The following KCTD3 variants were observed in gnomAD, a reference collection of about 807,000 sequenced individuals.
KCTD3 encodes the protein BTB/POZ domain-containing protein KCTD3.
Under a neutral mutation model 85.8 loss-of-function variants are expected in KCTD3, and 41 were observed. The observed-to-expected ratio is 0.48, with a 90% CI of 0.37 to 0.62. The LOEUF is 0.62. KCTD3 is among the 20% of genes least tolerant of loss of function. The probability of loss-of-function intolerance (pLI) is 0.00; values close to 1 mark genes in which losing one functional copy is unlikely to be tolerated. For missense variants in KCTD3, 724 were observed against 989.9 expected (o/e 0.73, Z 3.60); for synonymous variants, 338 against 345.4 (o/e 0.98, Z 0.24).
At chr1:215,584,312 TGGTA>T (rs1479370780) in intron 8 of KCTD3, among the ~76,000 whole-genome samples, 1 of 152,252 alleles carries the variant, frequency 6.6e-6, no homozygotes, top group Non-Finnish European at 1.5e-5. Flanking sequence ...AAAGAAATCA[TGGTA>T]GGACTGATTT....
At position 215,617,478 on chromosome 1, in the gene KCTD3, T is replaced by C. The variant is rs76262726; in HGVS notation, c.1563-1408T>C. On this transcript the variant is annotated intron_variant, in intron 15 of 17. Coordinates refer to ENST00000259154, the MANE Select transcript of KCTD3 (RefSeq NM_016121.5). ...TCTGCTGCAGAATCGACTGCTTGCT[T>C]GGTGTTTGGTGAACCCCTCCACCCC... Among the ~76,000 whole-genome samples the C allele has an allele frequency of 5.8e-3, 889 of 152,244 alleles. 7 individuals carry two copies. The highest frequency in any genetic ancestry group is 0.02 in the African/African-American group (846 of 41,532).
chr1:215,603,383 A>G (rs1168751271), intron 12 of KCTD3, among the ~76,000 whole-genome samples: 1 of 152,132 alleles, frequency 6.6e-6, no homozygotes, highest in Non-Finnish European at 1.5e-5. Flanking sequence ...TCTATCCATG[A>G]AGCTTTTAAG....
At chr1:215,582,937 A>T (rs1474300202) in intron 8 of KCTD3, among the ~76,000 whole-genome samples, 1 of 150,438 alleles carries the variant, frequency 6.6e-6, no homozygotes, top group Non-Finnish European at 1.5e-5. Flanking sequence ...GTAATTTTTT[A>T]AAAAACAGGT....
intron 3 of KCTD3, 68 bp downstream of exon 3, chr1:215,574,186 T>A: frequency 1.1e-6 from 1 of 901,924 alleles, no homozygotes; most frequent in African/African-American, 1.6e-5. Flanking sequence ...TAACATATAG[T>A]TACTCTAAGA....
intron 9 of KCTD3, among the ~76,000 whole-genome samples, chr1:215,593,276 T>G (rs1660290343): frequency 6.6e-6 from 1 of 152,194 alleles, no homozygotes; most frequent in African/African-American, 2.4e-5. Flanking sequence ...TTGTTCTAGT[T>G]TTTTGGGCTG....
chr1:215,620,011 TCA>T (rs761612767), intron 17 of KCTD3, 44 bp from the exon 18 acceptor site: 7 of 1,405,272 alleles, frequency 5.0e-6, no homozygotes, highest in Admixed American at 4.6e-5. Flanking sequence ...TCCTGAGAAA[TCA>T]CAGAGTGAAA....
At chr1:215,603,433 T>C (rs1224162741) in intron 12 of KCTD3, among the ~76,000 whole-genome samples, 1 of 152,004 alleles carries the variant, frequency 6.6e-6, no homozygotes, top group Non-Finnish European at 1.5e-5. Flanking sequence ...AAATTTGCAA[T>C]GGGGTCTGGG....
chr1:215,620,561 T>G lies in KCTD3; in HGVS notation c.2391T>G (p.Thr797=). 1 of 1,612,492 alleles carries G rather than the reference T, an allele frequency of 6.2e-7. No homozygotes were observed. The highest frequency in any genetic ancestry group is 8.5e-7 in the Non-Finnish European group (1 of 1,179,418). The change falls in exon 18 of 18, where the codon ACT becomes ACG. Residue 797 remains threonine, a synonymous_variant. Coordinates refer to ENST00000259154, the MANE Select transcript of KCTD3 (RefSeq NM_016121.5). ...CTGCGTCCCCATCTCCTACAAAGACTACTCCATCTCCTCGGCATAAAAAAA... is the reference window on the plus strand; with the variant it reads ...CTGCGTCCCCATCTCCTACAAAGACGACTCCATCTCCTCGGCATAAAAAAA... ...PGTASPSPTK[T]TPSPRHKKSD... is the part of the protein sequence containing the mutation.
At chr1:215,579,537 C>T (rs906870246) in intron 7 of KCTD3, among the ~76,000 whole-genome samples, 2 of 149,280 alleles carry the variant, frequency 1.3e-5, no homozygotes, top group African/African-American at 2.5e-5. Context: ...CTCGCTCTGT[C>T]GCTCAGGCTG....
At chr1:215,591,066 T>C (rs558831201) in intron 9 of KCTD3, among the ~76,000 whole-genome samples, 23 of 152,184 alleles carry the variant, frequency 1.5e-4, no homozygotes, top group Non-Finnish European at 3.1e-4. Context: ...GTAGTTCTTA[T>C]TTTTAAGATG....
chr1:215,575,822 A>G (rs1659552524), intron 3 of KCTD3, 79 bp from the exon 4 acceptor site: 3 of 741,190 alleles, frequency 4.0e-6, no homozygotes, highest in Non-Finnish European at 6.6e-6. Context: ...TTAAGACTTC[A>G]TTCCCTATTA....
intron 3 of KCTD3, among the ~76,000 whole-genome samples, chr1:215,575,096 A>G (rs1383521506): frequency 6.6e-6 from 1 of 152,162 alleles, no homozygotes. Flanking sequence ...TACTAAAAAC[A>G]GAAAAATTAA....
Position 215,604,280 on chromosome 1 carries a change from A to G in KCTD3, c.1287A>G (p.Leu429=), listed in dbSNP as rs760700186. 1.2e-6 allele frequency: 2 copies of G among 1,613,822 alleles called. No homozygotes were observed. Among genetic ancestry groups the G allele is most frequent in the South Asian group, 1.1e-5 (1 of 91,076 alleles). ...VHRSPVTKIM[L]SEKHLVSVCA... is the part of the protein sequence containing the mutation. ...GAAGTCCCGTAACAAAAATCATGCT[A>G]TCAGAGAAGCATCTTGTATCAGGTA... Residue 429 remains leucine (L), a synonymous_variant, in exon 13 of 18, where the codon CTA becomes CTG. Transcript: ENST00000259154.
chr1:215,609,895 G>T (rs1396680768), intron 14 of KCTD3, among the ~76,000 whole-genome samples: 1 of 151,938 alleles, frequency 6.6e-6, no homozygotes, highest in African/African-American at 2.4e-5. Flanking sequence ...TCTGGAGAAA[G>T]AACTTAACTA....
chr1:215,617,875 T>C (rs953722029), intron 15 of KCTD3, among the ~76,000 whole-genome samples: 2 of 148,152 alleles, frequency 1.3e-5, no homozygotes, highest in Non-Finnish European at 3.0e-5. Context: ...TAAATATATA[T>C]AATATATATG....
intron 15 of KCTD3, among the ~76,000 whole-genome samples, chr1:215,614,971 A>G (rs1316537927): frequency 2.0e-5 from 3 of 152,294 alleles, no homozygotes; most frequent in African/African-American, 7.2e-5. Context: ...ATTCTCTAAC[A>G]ATGTAGTATA....
chr1:215,588,969 C>G (rs7528121), intron 9 of KCTD3, among the ~76,000 whole-genome samples: 35,571 of 152,096 alleles, frequency 0.23, 4,970 homozygotes, highest in South Asian at 0.5. Context: ...CTTTATTAGT[C>G]TCTCAGCAAT....
chr1:215,595,960 T>C (rs950192688), intron 10 of KCTD3, among the ~76,000 whole-genome samples: 6 of 152,184 alleles, frequency 3.9e-5, no homozygotes, highest in African/African-American at 1.4e-4. Context: ...TTTAGAAAGA[T>C]AACAGTGGTT....
intron 7 of KCTD3, among the ~76,000 whole-genome samples, chr1:215,579,578 A>G (rs538796617): frequency 6.6e-6 from 1 of 151,002 alleles, no homozygotes; most frequent in South Asian, 2.1e-4. Context: ...GGCTCACTGC[A>G]AGCTCTGCCT....
Sources: allele counts gnomAD v4.1 joint callset (sites outside exome capture counted in the v4.1 genomes callset), GRCh38; gene constraint gnomAD v4.1.1; transcripts MANE v1.5; gene names NCBI Gene and HGNC (gene_info 2026-07-23, HGNC 2026-07-21).